CEP128: variants seen among roughly 807,000 people sequenced by gnomAD.
The protein encoded by CEP128 is centrosomal protein 128, also known as centrosomal protein 128kDa.
A neutral mutation model predicts 156.7 loss-of-function variants in CEP128; 132 were observed. The ratio of observed to expected loss-of-function variants is 0.84; its 90% CI spans 0.73 to 0.97. The LOEUF (loss-of-function observed/expected upper bound fraction) is 0.97. Among genes scored for constraint, CEP128 ranks in the 50% least tolerant of loss-of-function variants. The pLI, the probability that CEP128 is intolerant of heterozygous loss-of-function variation, is 0.00. For synonymous variants in CEP128, 469 were observed against 448.9 expected, an observed-to-expected ratio of 1.04 and a Z score of -0.57; for missense variants, 1,252 against 1,281.9, an observed-to-expected ratio of 0.98 and a Z score of 0.36.
chr14:80,527,429 T>TTAA (rs777972306), intron 22 of CEP128, among the ~76,000 whole-genome samples: 6 of 126,230 alleles, frequency 4.8e-5, no homozygotes, highest in South Asian at 4.9e-4. Context: ...AGGCTCTGTC[T>TTAA]AAAAAAAAAA....
At chr14:80,705,387 T>C (rs972904748) in intron 19 of CEP128, among the ~76,000 whole-genome samples, 4 of 152,116 alleles carry the variant, frequency 2.6e-5, no homozygotes, top group Non-Finnish European at 5.9e-5. Flanking sequence ...TTCCTATGTA[T>C]TCATGAAACC....
intron 21 of CEP128, among the ~76,000 whole-genome samples, chr14:80,550,603 T>C (rs1247731360): frequency 6.6e-6 from 1 of 151,812 alleles, no homozygotes; most frequent in East Asian, 1.9e-4. Context: ...TAATATAAAA[T>C]ATATTTATGT....
chr14:80,673,714 G>T (rs142996150), intron 19 of CEP128, among the ~76,000 whole-genome samples: 10 of 140,832 alleles, frequency 7.1e-5, no homozygotes, highest in African/African-American at 2.4e-4. Flanking sequence ...ACGTAAAACC[G>T]CTTACAACCT....
chr14:80,828,500 A>G (rs1323590020), intron 13 of CEP128, among the ~76,000 whole-genome samples: 1 of 152,182 alleles, frequency 6.6e-6, no homozygotes, highest in Admixed American at 6.5e-5. Context: ...AATATTAGTG[A>G]TATGGACAAA....
chr14:80,882,078 A>G (rs1888577993), intron 8 of CEP128, among the ~76,000 whole-genome samples: 2 of 152,188 alleles, frequency 1.3e-5, no homozygotes, highest in Non-Finnish European at 2.9e-5. Context: ...AAAAATGAAC[A>G]AACGGTATCA....
chr14:80,921,399 A>C (rs1884854590), intron 2 of CEP128, among the ~76,000 whole-genome samples: 1 of 152,142 alleles, frequency 6.6e-6, no homozygotes, highest in South Asian at 2.1e-4. Context: ...GATACCCTGG[A>C]CTCTGAAGAC....
intron 13 of CEP128, among the ~76,000 whole-genome samples, chr14:80,797,304 A>G (rs143527134): frequency 6.6e-6 from 1 of 152,324 alleles, no homozygotes; most frequent in African/African-American, 2.4e-5. Context: ...GCTACATGCA[A>G]TAATTCACTT....
intron 19 of CEP128, among the ~76,000 whole-genome samples, chr14:80,597,272 C>A (rs1013183262): frequency 2.0e-5 from 3 of 151,996 alleles, no homozygotes; most frequent in African/African-American, 7.2e-5. Context: ...ATAGGTCCTG[C>A]TGATATGAGA....
chr14:80,809,702 G>A (rs1180642865), intron 13 of CEP128, among the ~76,000 whole-genome samples: 1 of 152,020 alleles, frequency 6.6e-6, no homozygotes, highest in Non-Finnish European at 1.5e-5. Context: ...AAGAGGGAAT[G>A]GGAAGATATA....
intron 21 of CEP128, among the ~76,000 whole-genome samples, chr14:80,540,878 A>T (rs1889724528): frequency 6.6e-6 from 1 of 152,150 alleles, no homozygotes; most frequent in Admixed American, 6.5e-5. Context: ...CAGAAGGCCA[A>T]TGGTACCATA....
At chr14:80,856,804 C>G (rs1183779686) in intron 9 of CEP128, among the ~76,000 whole-genome samples, 1 of 139,496 alleles carries the variant, frequency 7.2e-6, no homozygotes, top group East Asian at 2.2e-4. Context: ...AATTCCAGCT[C>G]CCTACAACCT....
At chr14:80,696,198 T>G (rs1473239251) in intron 19 of CEP128, among the ~76,000 whole-genome samples, 1 of 152,198 alleles carries the variant, frequency 6.6e-6, no homozygotes, top group Non-Finnish European at 1.5e-5. Flanking sequence ...CGGAAAGACC[T>G]GCAAGTGTCT....
At position 80,821,602 on chromosome 14, in the gene CEP128, C is replaced by CAT. The variant is rs200398612; in HGVS notation, c.1209+9540_1209+9541insAT. 3.0e-3 allele frequency among the ~76,000 whole-genome samples: 56 copies of CAT among 18,648 alleles called. No individual in the cohort carries two copies. The East Asian group carries it at 0.034, about 11-fold the overall frequency. The allele number at this position is 18,648 out of a possible 152,430, so 12.2% of individuals were successfully genotyped here. ...TATATGTCACACACATACACACATA[C>CAT]ACACACACACACACACACACACACA... On this transcript the variant is annotated intron_variant, in intron 13 of 24. Transcript: ENST00000555265.
chr14:80,554,082 A>C (rs1260263470), intron 21 of CEP128, among the ~76,000 whole-genome samples: 2 of 152,146 alleles, frequency 1.3e-5, no homozygotes, highest in Non-Finnish European at 2.9e-5. Flanking sequence ...GTGGTGGTGG[A>C]ATCAATGCTT....
intron 16 of CEP128, among the ~76,000 whole-genome samples, chr14:80,772,281 G>C (rs868298064): frequency 4.6e-5 from 7 of 152,022 alleles, no homozygotes; most frequent in Non-Finnish European, 7.4e-5. Flanking sequence ...ATGAACAGAA[G>C]GGCAGAAGAA....
chr14:80,526,638 C>T, intron 23 of CEP128: 1 of 337,348 alleles, frequency 3.0e-6, no homozygotes, highest in Non-Finnish European at 5.4e-6. Context: ...AGTAACATAT[C>T]AAGCAGTGAT....
intron 19 of CEP128, among the ~76,000 whole-genome samples, chr14:80,735,466 T>A (rs1049039647): frequency 5.9e-5 from 9 of 152,220 alleles, no homozygotes; most frequent in Admixed American, 3.3e-4. Context: ...TGAATATTCC[T>A]AATTTACTGA....
At chr14:80,634,225 A>T (rs1315701286) in intron 19 of CEP128, among the ~76,000 whole-genome samples, 3 of 152,240 alleles carry the variant, frequency 2.0e-5, no homozygotes, top group Non-Finnish European at 4.4e-5. Context: ...AACTGTTGAG[A>T]AACAAAGATT....
In CEP128 at chr14:80,783,237, T is replaced by C. The variant is rs530565068; in HGVS notation, c.2211+1658A>G. On this transcript the variant is annotated intron_variant, in intron 15 of 24. Transcript: ENST00000555265. ...TTCTATTCTGTCTGTATTCTCTATGTTGGCAATAGTATCATTATCCACCTA... is the reference window on the plus strand; with the variant it reads ...TTCTATTCTGTCTGTATTCTCTATGCTGGCAATAGTATCATTATCCACCTA... 2.0e-4 allele frequency among the ~76,000 whole-genome samples: 30 copies of C among 152,314 alleles called. No homozygotes were observed. The South Asian group carries it at 5.8e-3, about 29-fold the overall frequency.
Sources: allele counts gnomAD v4.1 joint callset (sites outside exome capture counted in the v4.1 genomes callset), GRCh38; gene constraint gnomAD v4.1.1; transcripts MANE v1.5; gene names NCBI Gene and HGNC (gene_info 2026-07-23, HGNC 2026-07-21).